TRPM1: variants seen among roughly 807,000 people sequenced by gnomAD.
TRPM1 encodes the protein TRPM1-203 APA Isoform, Intron 10.
In TRPM1, 113 loss-of-function variants were observed where a neutral mutation model predicts 149.4. The ratio of observed to expected loss-of-function variants is 0.76; its 90% CI spans 0.65 to 0.88. The LOEUF is 0.88. Among genes scored for constraint, TRPM1 ranks in the 40% least tolerant of loss-of-function variants. The probability of loss-of-function intolerance (pLI) is 0.00; values close to 1 mark genes in which losing one functional copy is unlikely to be tolerated. For synonymous variants in TRPM1, 741 were observed against 759.5 expected (o/e 0.98, Z 0.40); for missense variants, 1,976 against 2,038.7 (o/e 0.97, Z 0.59).
chr15:31,131,744 G>T (rs1235458087), intron 1 of TRPM1, among the ~76,000 whole-genome samples: 1 of 152,166 alleles, frequency 6.6e-6, no homozygotes, highest in Non-Finnish European at 1.5e-5. Context: ...AGAGTGGGTG[G>T]AAGCAGTGAG....
chr15:31,070,721 GT>G (rs1432170621), intron 3 of TRPM1, among the ~76,000 whole-genome samples: 1 of 152,058 alleles, frequency 6.6e-6, no homozygotes, highest in African/African-American at 2.4e-5. Context: ...TGCTCAGCTA[GT>G]TTTTATATTT....
At chr15:31,012,135 A>G (rs2032207732) in intron 27 of TRPM1, among the ~76,000 whole-genome samples, 1 of 152,264 alleles carries the variant, frequency 6.6e-6, no homozygotes, top group African/African-American at 2.4e-5. Flanking sequence ...TGTAGAAAAT[A>G]AAAAGTAGTT....
intron 21 of TRPM1, 21 bp downstream of exon 21, chr15:31,035,525 G>A (rs200168342): frequency 1.5e-5 from 25 of 1,614,006 alleles, no homozygotes; most frequent in South Asian, 4.4e-5. Flanking sequence ...GTGGGCTGGG[G>A]GAGGCCTTTG....
chr15:31,125,002 C>T (rs2035928965), intron 1 of TRPM1, among the ~76,000 whole-genome samples: 4 of 151,828 alleles, frequency 2.6e-5, no homozygotes, highest in Admixed American at 1.3e-4. Flanking sequence ...GGTGAAACCC[C>T]GTCTCTTTCA....
chr15:31,143,021 C>G (rs2036179677), intron 1 of TRPM1, among the ~76,000 whole-genome samples: 1 of 152,202 alleles, frequency 6.6e-6, no homozygotes, highest in South Asian at 2.1e-4. Context: ...AATGGACTCT[C>G]AAAGGCTTTT....
Position 31,074,599 on chromosome 15 carries a change from A to C in TRPM1, c.83+2306T>G, listed in dbSNP as rs1306957455. ...TTCTCTTCTTTTATGACTCTAGCTA[A>C]AGATATGTGAATTTTGTTGAGGTTT... On this transcript the variant is annotated intron_variant, in intron 3 of 27. Coordinates refer to ENST00000256552, the MANE Select transcript of TRPM1 (RefSeq NM_001252024.2). Among the ~76,000 whole-genome samples the C allele has an allele frequency of 4.6e-5, 7 of 152,038 alleles. No homozygotes were observed. The East Asian group carries it at 1.3e-3, about 29-fold the overall frequency.
upstream of TRPM1, among the ~76,000 whole-genome samples, chr15:31,102,687 C>G (rs558153687): frequency 1.4e-4 from 21 of 152,334 alleles, 1 homozygote; most frequent in South Asian, 4.3e-3. Flanking sequence ...GCCTGGGGCT[C>G]AGGGAATCTC....
At chr15:31,114,302 G>C (rs2035768471) in intron 1 of TRPM1, among the ~76,000 whole-genome samples, 1 of 152,138 alleles carries the variant, frequency 6.6e-6, no homozygotes, top group African/African-American at 2.4e-5. Context: ...AATTTGCTAA[G>C]TATAATGCCC....
chr15:31,012,939 T>G (rs2032235843), intron 27 of TRPM1, among the ~76,000 whole-genome samples: 1 of 152,066 alleles, frequency 6.6e-6, no homozygotes, highest in Non-Finnish European at 1.5e-5. Context: ...CTTTCCAATG[T>G]CAGAATTTCC....
At chr15:31,031,400 T>C in intron 22 of TRPM1, 1 of 580,728 alleles carries the variant, frequency 1.7e-6, no homozygotes, top group Non-Finnish European at 3.1e-6. Flanking sequence ...TCTTGCTTCT[T>C]CTCTGTTGTT....
chr15:31,047,693 T>C (rs2033820917), intron 14 of TRPM1, among the ~76,000 whole-genome samples, 196 bp downstream of exon 14: 1 of 152,234 alleles, frequency 6.6e-6, no homozygotes, highest in African/African-American at 2.4e-5. Context: ...GTCCCTATCA[T>C]GGATTTGGAT....
chr15:31,123,489 C>A (rs1423083861), intron 1 of TRPM1, among the ~76,000 whole-genome samples: 1 of 152,072 alleles, frequency 6.6e-6, no homozygotes, highest in African/African-American at 2.4e-5. Context: ...AATAAGAAAA[C>A]AAATAGCCCA....
At chr15:31,103,866 A>C (rs905794151), upstream of TRPM1, among the ~76,000 whole-genome samples, 7 of 151,914 alleles carry the variant, frequency 4.6e-5, no homozygotes, top group Non-Finnish European at 7.4e-5. Context: ...AAGAAAATTT[A>C]AAATTGCCTC....
intron 1 of TRPM1, among the ~76,000 whole-genome samples, chr15:31,141,337 A>G (rs1290797067): frequency 6.6e-6 from 1 of 152,196 alleles, no homozygotes; most frequent in African/African-American, 2.4e-5. Flanking sequence ...TTTAATTAAT[A>G]TAGGTAATTC....
At chr15:31,046,175 TA>T in intron 16 of TRPM1, 28 bp downstream of exon 16, 1 of 1,610,458 alleles carries the variant, frequency 6.2e-7, no homozygotes, top group Non-Finnish European at 8.5e-7. Flanking sequence ...CAGGATATTA[TA>T]AAACTGTTGA....
intron 1 of TRPM1, among the ~76,000 whole-genome samples, chr15:31,154,613 C>T (rs996617973): frequency 2.6e-5 from 4 of 152,158 alleles, no homozygotes; most frequent in Admixed American, 6.5e-5. Context: ...TTCCCAAAGC[C>T]GACCTCCTTC....
intron 1 of TRPM1, among the ~76,000 whole-genome samples, chr15:31,126,084 A>T (rs922985715): frequency 6.6e-6 from 1 of 152,224 alleles, no homozygotes. Flanking sequence ...GTGAGCCAAG[A>T]TCACACCGCT....
chr15:31,153,195 C>T (rs767337757), intron 1 of TRPM1, among the ~76,000 whole-genome samples: 2 of 152,208 alleles, frequency 1.3e-5, no homozygotes, highest in African/African-American at 2.4e-5. Context: ...GAGTCTGGCA[C>T]CTTTTTATGT....
At chr15:31,105,109 T>C (rs966513466), upstream of TRPM1, among the ~76,000 whole-genome samples, 2 of 152,234 alleles carry the variant, frequency 1.3e-5, no homozygotes, top group African/African-American at 4.8e-5. Flanking sequence ...AGTGTCAGTA[T>C]AAATTCATGG....
Sources: allele counts gnomAD v4.1 joint callset (sites outside exome capture counted in the v4.1 genomes callset), GRCh38; gene constraint gnomAD v4.1.1; transcripts MANE v1.5; gene names NCBI Gene and HGNC (gene_info 2026-07-23, HGNC 2026-07-21).